The following EPHB1 variants were observed in gnomAD, a reference collection of about 807,000 sequenced individuals.
EPHB1 encodes ephrin type-B receptor 1.
EPHB1 carries 30 observed loss-of-function variants against 94.4 expected under a neutral mutation model. That is an observed-to-expected ratio of 0.32 (90% CI 0.24 to 0.43). EPHB1 has a LOEUF of 0.43. Ranked by LOEUF, EPHB1 falls within the 20% of genes least tolerant of loss-of-function variation. The pLI, the probability that EPHB1 is intolerant of heterozygous loss-of-function variation, is 1.00. For missense variants in EPHB1, 1,055 were observed against 1,308.3 expected (o/e 0.81, Z 2.99); for synonymous variants, 522 against 489.1 (o/e 1.07, Z -0.89).
intron 1 of EPHB1, among the ~76,000 whole-genome samples, chr3:134,832,701 G>T (rs924153047): frequency 6.6e-6 from 1 of 152,212 alleles, no homozygotes; most frequent in Non-Finnish European, 1.5e-5. Context: ...CAATGAAGTT[G>T]ATGTCATCGC....
intron 1 of EPHB1, among the ~76,000 whole-genome samples, chr3:134,890,080 A>G (rs2037946266): frequency 6.6e-6 from 1 of 152,040 alleles, no homozygotes; most frequent in South Asian, 2.1e-4. Flanking sequence ...TCCCCAATAT[A>G]CTCTACAAAC....
chr3:134,975,783 G>A lies in EPHB1; in HGVS notation c.805+23731G>A, dbSNP rs796560336. Among the ~76,000 whole-genome samples the A allele has an allele frequency of 4.7e-3, 712 of 152,136 alleles. 5 individuals carry two copies. The highest frequency in any genetic ancestry group is 0.016 in the African/African-American group (667 of 41,494). The stretch of plus-strand genomic sequence containing the variant: ...TAATAGAAAGATTTAAGAGGGCAGG[G>A]GGGGAGTGAGAAAGACAACATCTTG... On this transcript the variant is annotated intron_variant, in intron 3 of 15. Transcript: ENST00000398015.
At position 134,873,162 on chromosome 3, in the gene EPHB1, G is replaced by C. The variant is rs543291676; in HGVS notation, c.59-52654G>C. Among the ~76,000 whole-genome samples the C allele has an allele frequency of 2.6e-5, 4 of 152,318 alleles. No individual in the cohort carries two copies. In the South Asian group the frequency reaches 6.2e-4, roughly 24 times the overall value. ...AGAGATTGAGAGATCATGCACAAGA[G>C]AGAAAAAGGAAGGAGGGAGGGAAGA... On this transcript the variant is annotated intron_variant, in intron 1 of 15. Transcript: ENST00000398015.
At chr3:134,943,469 G>C (rs1205102130) in intron 2 of EPHB1, among the ~76,000 whole-genome samples, 1 of 152,214 alleles carries the variant, frequency 6.6e-6, no homozygotes, top group Non-Finnish European at 1.5e-5. Context: ...CCAGATGGGG[G>C]GATATGGATG....
At chr3:134,896,466 G>C (rs1481198486) in intron 1 of EPHB1, among the ~76,000 whole-genome samples, 3 of 152,174 alleles carry the variant, frequency 2.0e-5, no homozygotes. Flanking sequence ...ACCCAATAAT[G>C]GTTGCTCTTG....
chr3:135,248,596 G>C (rs941519632), intron 14 of EPHB1, 87 bp downstream of exon 14: 2 of 1,378,300 alleles, frequency 1.5e-6, no homozygotes, highest in African/African-American at 1.5e-5. Flanking sequence ...GATCATGTTC[G>C]AATTTTTTAA....
chr3:135,104,001 G>A (rs775059186), intron 3 of EPHB1, among the ~76,000 whole-genome samples: 6 of 152,232 alleles, frequency 3.9e-5, no homozygotes, highest in Non-Finnish European at 7.3e-5. Context: ...AGGCTTTTAC[G>A]TGCTGGAAAG....
chr3:134,913,045 T>A (rs908988462), intron 1 of EPHB1, among the ~76,000 whole-genome samples: 7 of 152,338 alleles, frequency 4.6e-5, no homozygotes, highest in Admixed American at 4.6e-4. Flanking sequence ...GCTTTTTGGT[T>A]TTCCATTTTC....
chr3:135,226,566 A>G (rs1474137941), intron 12 of EPHB1, among the ~76,000 whole-genome samples: 2 of 152,020 alleles, frequency 1.3e-5, no homozygotes, highest in Admixed American at 1.3e-4. Flanking sequence ...CTGCTCTTCC[A>G]ACCCTGAATT....
At chr3:135,204,603 C>T (rs1419956726) in intron 12 of EPHB1, among the ~76,000 whole-genome samples, 15 of 151,954 alleles carry the variant, frequency 9.9e-5, no homozygotes, top group Admixed American at 3.9e-4. Context: ...TGGGTTCAAG[C>T]GATCCTCCTG....
chr3:135,058,564 C>T (rs1437143571), intron 3 of EPHB1, among the ~76,000 whole-genome samples: 1 of 152,228 alleles, frequency 6.6e-6, no homozygotes, highest in East Asian at 1.9e-4. Context: ...CACCTCAGTC[C>T]ACAATCCTGA....
intron 3 of EPHB1, among the ~76,000 whole-genome samples, chr3:134,985,409 C>T (rs1934562833): frequency 6.6e-6 from 1 of 152,202 alleles, no homozygotes; most frequent in Non-Finnish European, 1.5e-5. Context: ...CTGCCCACCT[C>T]AGCCTCCCAA....
At chr3:135,086,600 C>T (rs569263192) in intron 3 of EPHB1, among the ~76,000 whole-genome samples, 1 of 152,048 alleles carries the variant, frequency 6.6e-6, no homozygotes, top group South Asian at 2.1e-4. Flanking sequence ...CTTCATTTTG[C>T]CTACCTAGTA....
At chr3:134,799,989 G>A (rs940135126) in intron 1 of EPHB1, among the ~76,000 whole-genome samples, 3 of 152,148 alleles carry the variant, frequency 2.0e-5, no homozygotes, top group Non-Finnish European at 4.4e-5. Context: ...ATGTTCTTTA[G>A]TTGCTTGAAT....
At chr3:134,851,970 C>T (rs1387798359) in intron 1 of EPHB1, among the ~76,000 whole-genome samples, 1 of 152,172 alleles carries the variant, frequency 6.6e-6, no homozygotes, top group African/African-American at 2.4e-5. Context: ...TCCTTCTTTG[C>T]TGAATGTCTG....
intron 1 of EPHB1, among the ~76,000 whole-genome samples, chr3:134,890,494 CT>C (rs2037957902): frequency 6.6e-6 from 1 of 152,200 alleles, no homozygotes; most frequent in Non-Finnish European, 1.5e-5. Context: ...CATGTACCTC[CT>C]TTGTACATTT....
At chr3:134,885,149 A>G (rs979008085) in intron 1 of EPHB1, among the ~76,000 whole-genome samples, 1 of 152,232 alleles carries the variant, frequency 6.6e-6, no homozygotes, top group Admixed American at 6.5e-5. Flanking sequence ...ACATCTAGAG[A>G]TGAGCATCTG....
intron 1 of EPHB1, among the ~76,000 whole-genome samples, chr3:134,908,649 C>G (rs2038387171): frequency 6.6e-6 from 1 of 152,102 alleles, no homozygotes; most frequent in Non-Finnish European, 1.5e-5. Flanking sequence ...ATCCCAGAAG[C>G]ACCCTGTTAA....
At chr3:134,832,006 G>A (rs1430168189) in intron 1 of EPHB1, among the ~76,000 whole-genome samples, 1 of 152,222 alleles carries the variant, frequency 6.6e-6, no homozygotes, top group African/African-American at 2.4e-5. Context: ...ATGGCAGGGT[G>A]GGGTTGCTGG....
Sources: allele counts gnomAD v4.1 joint callset (sites outside exome capture counted in the v4.1 genomes callset), GRCh38; gene constraint gnomAD v4.1.1; transcripts MANE v1.5; gene names NCBI Gene and HGNC (gene_info 2026-07-23, HGNC 2026-07-21).